The following C11orf65 variants were observed in gnomAD, a reference collection of about 807,000 sequenced individuals.
The protein encoded by C11orf65 is chromosome 11 open reading frame 65, also known as protein MFI.
In C11orf65, 38 loss-of-function variants were observed where a neutral mutation model predicts 35.3. That is an observed-to-expected ratio of 1.08 (90% CI 0.83 to 1.41). The LOEUF (loss-of-function observed/expected upper bound fraction) is 1.41, where lower values mean the gene tolerates loss of function less well. C11orf65 is among the 40% of genes most tolerant of loss of function. The pLI, the probability that C11orf65 is intolerant of heterozygous loss-of-function variation, is 0.00. For synonymous variants in C11orf65, 105 were observed against 114.4 expected (o/e 0.92, Z 0.53); for missense variants, 370 against 367.1 (o/e 1.01, Z -0.06).
chr11:108,436,750 A>G (rs1024256147), intron 2 of C11orf65, among the ~76,000 whole-genome samples: 1 of 152,262 alleles, frequency 6.6e-6, no homozygotes, highest in Non-Finnish European at 1.5e-5. Context: ...CTTTCAGAGT[A>G]GAAACGGTAA....
chr11:108,357,373 C>T (rs921791219), intron 2 of C11orf65, among the ~76,000 whole-genome samples: 4 of 152,178 alleles, frequency 2.6e-5, no homozygotes, highest in South Asian at 2.1e-4. Context: ...GGGGGAGGGG[C>T]GCCCGCCATT....
At chr11:108,377,687 A>C (rs1465511554) in intron 2 of C11orf65, among the ~76,000 whole-genome samples, 5 of 151,722 alleles carry the variant, frequency 3.3e-5, no homozygotes, top group African/African-American at 1.2e-4. Flanking sequence ...GAGGAAGTCA[A>C]ATTGTCCCTG....
chr11:108,428,433 T>C (rs189397986), intron 3 of C11orf65, among the ~76,000 whole-genome samples: 1 of 152,244 alleles, frequency 6.6e-6, no homozygotes, highest in Admixed American at 6.5e-5. Flanking sequence ...AATGACAGAC[T>C]GGATAAAGAA....
chr11:108,427,495 G>A (rs759871821), intron 3 of C11orf65, among the ~76,000 whole-genome samples: 12 of 151,310 alleles, frequency 7.9e-5, no homozygotes, highest in South Asian at 2.1e-4. Context: ...CGAGACAGGC[G>A]GATCACGAGG....
intron 3 of C11orf65, among the ~76,000 whole-genome samples, chr11:108,409,912 T>C (rs2092624766): frequency 6.6e-6 from 1 of 152,164 alleles, no homozygotes; most frequent in African/African-American, 2.4e-5. Context: ...AAGTCTGTGG[T>C]AAAATTATCT....
chr11:108,431,878 T>C (rs1366731008), intron 2 of C11orf65, 40 bp from the exon 3 acceptor site: 1 of 1,273,930 alleles, frequency 7.8e-7, no homozygotes. Context: ...CAAAACTGGA[T>C]TTTCTATTTC....
chr11:108,407,666 C>T (rs1351538267), intron 3 of C11orf65, among the ~76,000 whole-genome samples: 3 of 150,756 alleles, frequency 2.0e-5, no homozygotes, highest in African/African-American at 2.4e-5. Context: ...TTTATGAGGC[C>T]GGGCATGGTG....
chr11:108,392,606 G>A (rs919061021), intron 7 of C11orf65, among the ~76,000 whole-genome samples: 3 of 152,136 alleles, frequency 2.0e-5, no homozygotes, highest in Non-Finnish European at 4.4e-5. Context: ...CAAAGTGGCT[G>A]CACCATTGCA....
Position 108,383,024 on chromosome 11 carries a change from T to A in C11orf65, c.939A>T (p.Leu313=), listed in dbSNP as rs1334483767. 1 of 1,611,188 alleles carries A rather than the reference T, an allele frequency of 6.2e-7. No individual in the cohort carries two copies. The highest frequency in any genetic ancestry group is 8.5e-7 in the Non-Finnish European group (1 of 1,179,202). The change falls in exon 9 of 9, where the codon CTA becomes CTT. Residue 313 remains leucine (L), a synonymous_variant. Transcript: ENST00000393084. The part of the protein sequence containing the change: ...TRLTPDSTYG[L] ...CTCAGAATAGAAATAAAGTACTTTA[T>A]AGTCCATAAGTAGAATCAGGCGTTA... is the stretch of plus-strand genomic sequence containing the variant.
intron 2 of C11orf65, among the ~76,000 whole-genome samples, chr11:108,363,513 T>C (rs1591376289): frequency 6.6e-6 from 1 of 152,198 alleles, no homozygotes; most frequent in East Asian, 1.9e-4. Flanking sequence ...GTTGGCAATG[T>C]CTGGAGGCAT....
Position 108,370,259 on chromosome 11 carries a change from G to GT in C11orf65, c.226+22948dup, listed in dbSNP as rs887826529. On this transcript the variant is annotated intron_variant, in intron 2 of 3. Transcript: ENST00000524755. ...ATTATTACTGTTAGAATTAAAATTA[G>GT]TTTTTACATATTGATTTTTCTATCC... 6.6e-5 allele frequency among the ~76,000 whole-genome samples: 10 copies of GT among 151,828 alleles called. 1 individual carries two copies. Among genetic ancestry groups the GT allele is most frequent in the Admixed American group, 2.6e-4 (4 of 15,286 alleles).
At chr11:108,444,004 C>A (rs2093207114) in intron 2 of C11orf65, among the ~76,000 whole-genome samples, 1 of 152,048 alleles carries the variant, frequency 6.6e-6, no homozygotes, top group African/African-American at 2.4e-5. Context: ...ACACAAAAAA[C>A]CCTTCAAAAA....
At chr11:108,356,733 A>T (rs2089973200) in intron 2 of C11orf65, among the ~76,000 whole-genome samples, 2 of 152,178 alleles carry the variant, frequency 1.3e-5, no homozygotes. Flanking sequence ...TTAGGGCCTC[A>T]GAAATCTTAC....
At chr11:108,329,362 C>G (rs2086019895), downstream of C11orf65, 16 of 875,970 alleles carry the variant, frequency 1.8e-5, 1 homozygote, top group South Asian at 1.5e-4. Flanking sequence ...GTCGGCTTAA[C>G]TATATATAGA....
chr11:108,403,423 T>TTTG (rs2092478609), intron 6 of C11orf65, among the ~76,000 whole-genome samples: 1 of 149,872 alleles, frequency 6.7e-6, no homozygotes, highest in African/African-American at 2.4e-5. Flanking sequence ...TTTTTTTGTT[T>TTTG]TTTTTTTTTT....
chr11:108,429,358 G>A (rs571181158), intron 3 of C11orf65, among the ~76,000 whole-genome samples: 21 of 152,128 alleles, frequency 1.4e-4, no homozygotes, highest in African/African-American at 4.6e-4. Flanking sequence ...TAGATGATGG[G>A]TACATGGTGG....
At chr11:108,371,292 G>A (rs554287710) in intron 2 of C11orf65, among the ~76,000 whole-genome samples, 4 of 152,216 alleles carry the variant, frequency 2.6e-5, no homozygotes, top group South Asian at 4.2e-4. Context: ...GTTCAGTAGC[G>A]ATAAAATACA....
Position 108,325,470 on chromosome 11 carries a change from G to A in C11orf65, c.641-16399C>T, listed in dbSNP as rs2085572299. On this transcript the variant is annotated intron_variant, in intron 6 of 6. Transcript: ENST00000525729. ...AAAGGAAATGGACAACTCACAAAGA[G>A]AATGTATTAAGGACATTCTCACCAA... 1 of 1,613,632 alleles carries A rather than the reference G, an allele frequency of 6.2e-7. No individual in the cohort carries two copies. Among genetic ancestry groups the A allele is most frequent in the Non-Finnish European group, 8.5e-7 (1 of 1,179,898 alleles).
chr11:108,379,651 AAAGG>A (rs1308705592), downstream of C11orf65, among the ~76,000 whole-genome samples: 1 of 151,864 alleles, frequency 6.6e-6, no homozygotes, highest in African/African-American at 2.4e-5. Flanking sequence ...ATTAAAAAAA[AAAGG>A]AAAATCCATA....
Sources: gnomAD v4.1 joint callset for allele counts (sites outside exome capture counted in the v4.1 genomes callset) on GRCh38, gnomAD v4.1.1 for gene constraint, MANE v1.5 for transcripts, NCBI Gene and HGNC (gene_info 2026-07-23, HGNC 2026-07-21) for gene names.